Variants in ZBTB38 observed in about 807,000 individuals in gnomAD.
The protein encoded by ZBTB38 is zinc finger and BTB domain containing 38.
A neutral mutation model predicts 76.8 loss-of-function variants in ZBTB38; 20 were observed. That is an observed-to-expected ratio of 0.26 (90% confidence interval 0.18 to 0.38). The LOEUF is 0.38. Ranked by LOEUF, ZBTB38 falls within the 10% of genes least tolerant of loss-of-function variation. The probability of loss-of-function intolerance (pLI) is 1.00; values close to 1 mark genes in which losing one functional copy is unlikely to be tolerated. For synonymous variants in ZBTB38, 504 were observed against 544.2 expected (o/e 0.93, Z 1.03); for missense variants, 1,082 against 1,482.3 (o/e 0.73, Z 4.43).
intron 5 of ZBTB38, chr3:141,426,180 C>T (rs2076342263): frequency 7.8e-7 from 1 of 1,289,278 alleles, no homozygotes. Flanking sequence ...GCTGTTCCTT[C>T]ATAGTGTAGT....
At chr3:141,398,745 A>G (rs967474605) in intron 4 of ZBTB38, among the ~76,000 whole-genome samples, 2 of 152,114 alleles carry the variant, frequency 1.3e-5, no homozygotes, top group Admixed American at 6.5e-5. Context: ...TATTTTTTAA[A>G]TGTGGATTAC....
intron 5 of ZBTB38, among the ~76,000 whole-genome samples, chr3:141,438,577 C>G (rs1265440503): frequency 6.6e-6 from 1 of 152,182 alleles, no homozygotes; most frequent in Non-Finnish European, 1.5e-5. Flanking sequence ...TCCCCAGGCT[C>G]TCACTCTGTC....
chr3:141,400,111 A>G (rs1951469835), intron 4 of ZBTB38, among the ~76,000 whole-genome samples: 1 of 151,100 alleles, frequency 6.6e-6, no homozygotes, highest in South Asian at 2.1e-4. Context: ...AATAATTATG[A>G]CAACTTGGGC....
chr3:141,332,865 T>C lies in ZBTB38; in HGVS notation c.-739+8409T>C, dbSNP rs1172495481. The stretch of plus-strand genomic sequence containing the variant: ...TGTTATTGTTTCTACACCTAATTGA[T>C]AAACTAGGGGAAATTCATACCCGAC... On this transcript the variant is annotated intron_variant, in intron 1 of 7. Coordinates refer to the ZBTB38 transcript ENST00000509842. Among the ~76,000 whole-genome samples, 4 of 152,226 alleles carry C rather than the reference T, an allele frequency of 2.6e-5. No homozygotes were observed. The East Asian group carries it at 5.8e-4, about 22-fold the overall frequency.
At chr3:141,429,171 C>T (rs778318573) in intron 5 of ZBTB38, among the ~76,000 whole-genome samples, 42 of 152,072 alleles carry the variant, frequency 2.8e-4, no homozygotes, top group Non-Finnish European at 4.3e-4. Context: ...TGTTGAGGGC[C>T]GTGGAAAAGT....
chr3:141,361,832 C>T (rs891725830), intron 1 of ZBTB38, among the ~76,000 whole-genome samples: 1 of 152,154 alleles, frequency 6.6e-6, no homozygotes, highest in Non-Finnish European at 1.5e-5. Context: ...TAAAAGTGGA[C>T]AGATCACTAA....
intron 1 of ZBTB38, among the ~76,000 whole-genome samples, chr3:141,346,217 A>C (rs566808299): frequency 1.3e-5 from 2 of 152,128 alleles, no homozygotes; most frequent in African/African-American, 2.4e-5. Context: ...ACTGATACCC[A>C]GGTGTCACCC....
chr3:141,430,095 C>G (rs1190724633), intron 5 of ZBTB38, among the ~76,000 whole-genome samples: 2 of 152,112 alleles, frequency 1.3e-5, no homozygotes, highest in Non-Finnish European at 2.9e-5. Context: ...GACAGAGTTT[C>G]GCTCTTGTCA....
intron 4 of ZBTB38, among the ~76,000 whole-genome samples, chr3:141,399,595 G>T (rs544502882): frequency 1.2e-4 from 18 of 152,166 alleles, no homozygotes; most frequent in African/African-American, 4.3e-4. Flanking sequence ...AACCCAGGTT[G>T]AGGGAAAGAG....
upstream of ZBTB38, among the ~76,000 whole-genome samples, chr3:141,364,676 T>TAAAAAAAAAAAAAA: frequency 2.3e-5 from 1 of 43,440 alleles, no homozygotes; most frequent in Non-Finnish European, 4.7e-5. Flanking sequence ...AAACTACATC[T>TAAAAAAAAAAAAAA]AAAAAAAAAA....
chr3:141,372,684 G>A (rs1165783510), intron 2 of ZBTB38, among the ~76,000 whole-genome samples: 2 of 151,988 alleles, frequency 1.3e-5, no homozygotes, highest in African/African-American at 4.8e-5. Context: ...GGTGAATGGG[G>A]AATACAGTGC....
At chr3:141,425,474 A>T (rs1577325615) in intron 5 of ZBTB38, among the ~76,000 whole-genome samples, 1 of 152,194 alleles carries the variant, frequency 6.6e-6, no homozygotes, top group East Asian at 1.9e-4. Flanking sequence ...TTAAATGTTC[A>T]CCCCAGGGCC....
At chr3:141,439,203 C>G (rs913941409) in intron 5 of ZBTB38, among the ~76,000 whole-genome samples, 1 of 152,166 alleles carries the variant, frequency 6.6e-6, no homozygotes, top group Non-Finnish European at 1.5e-5. Flanking sequence ...TTGCCTTCCT[C>G]CTGTTCATAT....
intron 5 of ZBTB38, among the ~76,000 whole-genome samples, chr3:141,415,520 C>T (rs774466666): frequency 2.6e-5 from 4 of 152,168 alleles, no homozygotes; most frequent in East Asian, 1.9e-4. Flanking sequence ...ACCCCAGACC[C>T]GCTGTGTCAG....
intron 5 of ZBTB38, among the ~76,000 whole-genome samples, chr3:141,404,275 G>C (rs182241534): frequency 6.6e-6 from 1 of 152,182 alleles, no homozygotes; most frequent in Non-Finnish European, 1.5e-5. Context: ...AGCAATTGTC[G>C]TGGGGTCTTT....
At chr3:141,379,305 T>G (rs986154605) in intron 2 of ZBTB38, among the ~76,000 whole-genome samples, 2 of 152,210 alleles carry the variant, frequency 1.3e-5, no homozygotes, top group African/African-American at 4.8e-5. Context: ...AGCCCTATCT[T>G]AATGAAACTC....
At chr3:141,435,803 C>T (rs1393954750) in intron 5 of ZBTB38, among the ~76,000 whole-genome samples, 1 of 151,852 alleles carries the variant, frequency 6.6e-6, no homozygotes, top group Non-Finnish European at 1.5e-5. Flanking sequence ...AAAAGCTATT[C>T]CAGCTAAAAT....
chr3:141,388,030 C>G (rs1474971273), intron 4 of ZBTB38: 1 of 151,898 alleles, frequency 6.6e-6, no homozygotes, highest in East Asian at 1.9e-4. Context: ...AATTGGACAG[C>G]CTCTGCTATT....
intron 1 of ZBTB38, among the ~76,000 whole-genome samples, chr3:141,359,215 C>G (rs371003517): frequency 2.9e-4 from 44 of 152,336 alleles, no homozygotes; most frequent in Admixed American, 1.9e-3. Context: ...ACACTCTGAC[C>G]TTCCCCCTCA....
Sources: allele counts gnomAD v4.1 joint callset (sites outside exome capture counted in the v4.1 genomes callset), GRCh38; gene constraint gnomAD v4.1.1; transcripts MANE v1.5; gene names NCBI Gene and HGNC (gene_info 2026-07-23, HGNC 2026-07-21).